The following SH3BP5 variants were observed in gnomAD, a reference collection of about 807,000 sequenced individuals.
SH3BP5 encodes SH3 domain-binding protein 5.
SH3BP5 carries 22 observed loss-of-function variants against 43.3 expected under a neutral mutation model. The ratio of observed to expected loss-of-function variants is 0.51; its 90% confidence interval spans 0.36 to 0.73. The LOEUF (loss-of-function observed/expected upper bound fraction) is 0.73, where lower values mean the gene tolerates loss of function less well. SH3BP5 is among the 30% of genes least tolerant of loss of function. SH3BP5 has a pLI of 0.00. For missense variants in SH3BP5, 529 were observed against 586.9 expected (o/e 0.90, Z 1.02); for synonymous variants, 255 against 225.8 (o/e 1.13, Z -1.16).
intron 4 of SH3BP5, among the ~76,000 whole-genome samples, chr3:15,266,881 T>C (rs895134634): frequency 2.6e-5 from 4 of 152,230 alleles, no homozygotes; most frequent in Non-Finnish European, 5.9e-5. Flanking sequence ...AGGGGCCGCA[T>C]AGATAATCTT....
intron 3 of SH3BP5, among the ~76,000 whole-genome samples, chr3:15,297,951 C>A (rs1431731899): frequency 7.3e-5 from 11 of 151,312 alleles, no homozygotes. Flanking sequence ...CAAAAGCTAA[C>A]TGATATACAA....
intron 3 of SH3BP5, among the ~76,000 whole-genome samples, chr3:15,282,304 A>G (rs1697153009): frequency 6.6e-6 from 1 of 152,234 alleles, no homozygotes; most frequent in Non-Finnish European, 1.5e-5. Context: ...TCTGTAATGC[A>G]GTATCTGGCT....
chr3:15,332,969 A>T, upstream of SH3BP5: 2 of 540,426 alleles, frequency 3.7e-6, no homozygotes, highest in South Asian at 1.6e-4. Context: ...CCCAAAGCAC[A>T]CTCATCCTCT....
chr3:15,306,133 G>C (rs186588801), intron 2 of SH3BP5, among the ~76,000 whole-genome samples: 38 of 151,886 alleles, frequency 2.5e-4, no homozygotes, highest in Non-Finnish European at 4.3e-4. Context: ...GAGACGGGTG[G>C]ATCATGAGGT....
At chr3:15,272,592 T>TGTGATGATACCTCAGATC (rs1559432724) in intron 3 of SH3BP5, among the ~76,000 whole-genome samples, 1 of 105,448 alleles carries the variant, frequency 9.5e-6, no homozygotes, top group Admixed American at 8.0e-5. Flanking sequence ...GCCTGTAGGA[T>TGTGATGATACCTCAGATC]AAAGACATTA....
chr3:15,337,546 G>A (rs1698715562), upstream of SH3BP5, among the ~76,000 whole-genome samples: 1 of 151,980 alleles, frequency 6.6e-6, no homozygotes, highest in East Asian at 1.9e-4. Context: ...TATTTCTGGG[G>A]CCAGTTTGAG....
At chr3:15,299,569 C>T (rs1697675581) in intron 3 of SH3BP5, among the ~76,000 whole-genome samples, 1 of 142,006 alleles carries the variant, frequency 7.0e-6, no homozygotes, top group Non-Finnish European at 1.5e-5. Context: ...TCATGGCTCA[C>T]TGCAGCCTTG....
chr3:15,257,399 G>C, intron 7 of SH3BP5: 1 of 343,204 alleles, frequency 2.9e-6, no homozygotes, highest in Non-Finnish European at 5.4e-6. Context: ...AAAAATGGAA[G>C]ATTAATTCAG....
At chr3:15,291,163 G>T (rs1697402552) in intron 3 of SH3BP5, among the ~76,000 whole-genome samples, 1 of 152,194 alleles carries the variant, frequency 6.6e-6, no homozygotes, top group African/African-American at 2.4e-5. Flanking sequence ...CTTGGGAGTA[G>T]CTAGAACAGC....
chr3:15,259,650 T>C (rs752243264), intron 6 of SH3BP5, 111 bp downstream of exon 6: 3 of 1,027,936 alleles, frequency 2.9e-6, no homozygotes, highest in Non-Finnish European at 4.6e-6. Flanking sequence ...AGCCTGTCTC[T>C]CCACTTTCCC....
At chr3:15,297,716 G>A (rs1697615877) in intron 3 of SH3BP5, among the ~76,000 whole-genome samples, 1 of 152,016 alleles carries the variant, frequency 6.6e-6, no homozygotes. Context: ...GGCTAGCCTG[G>A]TGAATGAAAG....
chr3:15,256,143 C>G lies in SH3BP5; in HGVS notation c.1311G>C (p.Gln437His), dbSNP rs1696186831. 1 of 1,614,110 alleles carries G rather than the reference C, an allele frequency of 6.2e-7. No homozygotes were observed. The highest frequency in any genetic ancestry group is 1.1e-5 in the South Asian group (1 of 91,094). The change falls in exon 9 of 9, where the codon CAG becomes CAC. Residue 437 changes from glutamine (Q) to histidine (H), a missense_variant. This residue lies in a region of SH3BP5 where 369 missense variants were observed against 384.3 expected (regional missense o/e 0.96). Coordinates refer to ENST00000383791, the MANE Select transcript of SH3BP5 (RefSeq NM_004844.5). ...LENRMKQLSL[Q>H]CSKGRDGIIA... ...TAATTCCATCTCTTCCCTTTGAGCA[C>G]TGTAGGGAGAGCTGCTTCATCCGGT...
intron 3 of SH3BP5, among the ~76,000 whole-genome samples, chr3:15,296,795 G>A (rs544211120): frequency 2.2e-5 from 3 of 138,896 alleles, no homozygotes; most frequent in South Asian, 2.2e-4. Flanking sequence ...TCAGGCTCAC[G>A]CAATCCTTCT....
chr3:15,256,386 G>A (rs1410702275), intron 8 of SH3BP5, 83 bp from the exon 9 acceptor site: 67 of 1,418,992 alleles, frequency 4.7e-5, no homozygotes, highest in Non-Finnish European at 6.5e-5. Flanking sequence ...TATCAAAAGT[G>A]AGTATTGACA....
intron 3 of SH3BP5, among the ~76,000 whole-genome samples, chr3:15,282,377 A>G (rs1011856564): frequency 2.0e-5 from 3 of 152,192 alleles, no homozygotes; most frequent in African/African-American, 7.2e-5. Context: ...TGCTTTTGCT[A>G]TCTTATTTAT....
chr3:15,273,061 G>A, intron 3 of SH3BP5: 3 of 873,708 alleles, frequency 3.4e-6, no homozygotes, highest in Non-Finnish European at 4.1e-6. Context: ...GAAGCAGAGG[G>A]AACCTGTCAC....
intron 2 of SH3BP5, among the ~76,000 whole-genome samples, chr3:15,307,572 C>T (rs1247816109): frequency 3.9e-5 from 6 of 152,222 alleles, no homozygotes; most frequent in Non-Finnish European, 8.8e-5. Context: ...AAACATTTAA[C>T]AATTTCTGGG....
intron 8 of SH3BP5, 198 bp downstream of exon 8, chr3:15,256,655 A>G: frequency 1.6e-6 from 1 of 635,520 alleles, no homozygotes; most frequent in Non-Finnish European, 2.7e-6. Context: ...TCTACTTTAT[A>G]GAAGCTGAGT....
intron 2 of SH3BP5, among the ~76,000 whole-genome samples, chr3:15,305,301 A>G (rs1697871869): frequency 6.6e-6 from 1 of 152,228 alleles, no homozygotes; most frequent in African/African-American, 2.4e-5. Flanking sequence ...CTATCTGGGG[A>G]AGAATGTCCA....
Sources: allele counts gnomAD v4.1 joint callset (sites outside exome capture counted in the v4.1 genomes callset), GRCh38; gene constraint gnomAD v4.1.1; regional missense constraint gnomAD v4.1.1; transcripts MANE v1.5; gene names NCBI Gene and HGNC (gene_info 2026-07-23, HGNC 2026-07-21).